The following NAALADL2 variants were observed in gnomAD, a reference collection of about 807,000 sequenced individuals.
The protein encoded by NAALADL2 is N-acetylated alpha-linked acidic dipeptidase like 2.
Under a neutral mutation model 87.2 loss-of-function variants are expected in NAALADL2, and 76 were observed. The ratio of observed to expected loss-of-function variants is 0.87; its 90% CI spans 0.72 to 1.05. The LOEUF (loss-of-function observed/expected upper bound fraction) is 1.05, where lower values mean the gene tolerates loss of function less well. Ranked by LOEUF, NAALADL2 falls within the 50% of genes least tolerant of loss-of-function variation. NAALADL2 has a pLI of 0.00. For synonymous variants in NAALADL2, 354 were observed against 331.0 expected, an observed-to-expected ratio of 1.07 and a Z score of -0.75; for missense variants, 1,089 against 945.8, an observed-to-expected ratio of 1.15 and a Z score of -1.99.
At chr3:175,160,474 T>C (rs1385239147) in intron 2 of NAALADL2, among the ~76,000 whole-genome samples, 1 of 138,136 alleles carries the variant, frequency 7.2e-6, no homozygotes, top group Non-Finnish European at 1.5e-5. Context: ...TGCCTCAGCC[T>C]CCTAAGTAAC....
At chr3:175,706,691 A>G (rs867546328) in intron 11 of NAALADL2, among the ~76,000 whole-genome samples, 37 of 152,158 alleles carry the variant, frequency 2.4e-4, no homozygotes, top group African/African-American at 7.5e-4. Flanking sequence ...CCTAAATTCT[A>G]GAACACATTG....
At chr3:175,606,478 G>A (rs1388461404) in intron 10 of NAALADL2, among the ~76,000 whole-genome samples, 1 of 150,338 alleles carries the variant, frequency 6.7e-6, no homozygotes, top group Non-Finnish European at 1.5e-5. Context: ...AATCTATTTT[G>A]TCACCTTAAG....
chr3:175,185,746 ATTATT>A (rs1737236000), intron 2 of NAALADL2, among the ~76,000 whole-genome samples: 1 of 149,806 alleles, frequency 6.7e-6, no homozygotes, highest in South Asian at 2.1e-4. Context: ...TTTTTATATA[ATTATT>A]TTATATAATT....
chr3:174,446,260 A>G (rs1307500714), intron 1 of NAALADL2, among the ~76,000 whole-genome samples: 1 of 152,182 alleles, frequency 6.6e-6, no homozygotes, highest in East Asian at 1.9e-4. Flanking sequence ...ATGGTCAGTC[A>G]TGAAAAACTT....
At position 174,674,130 on chromosome 3, in the gene NAALADL2, A is replaced by C. The variant is rs1432298623; in HGVS notation, c.-114-63511A>C. Among the ~76,000 whole-genome samples the C allele has an allele frequency of 2.0e-5, 3 of 152,072 alleles. No homozygotes were observed. The East Asian group carries it at 5.8e-4, about 29-fold the overall frequency. On this transcript the variant is annotated intron_variant, in intron 2 of 3. Transcript: ENST00000434257. ...CTTTAACTCATAGTGGAAGGAGAAG[A>C]GGGAACAGACATGTCATATGGTAAA...
At chr3:174,562,229 A>C (rs1253768588) in intron 2 of NAALADL2, among the ~76,000 whole-genome samples, 3 of 152,184 alleles carry the variant, frequency 2.0e-5, no homozygotes, top group African/African-American at 7.2e-5. Flanking sequence ...GGAAGAAGGC[A>C]TTTTAAAGCA....
chr3:174,567,251 G>A (rs1352169647), intron 2 of NAALADL2, among the ~76,000 whole-genome samples: 4 of 151,220 alleles, frequency 2.6e-5, no homozygotes, highest in Non-Finnish European at 5.9e-5. Context: ...AATATAATGT[G>A]TACATATATA....
At chr3:175,520,205 G>A (rs1384798907) in intron 9 of NAALADL2, among the ~76,000 whole-genome samples, 2 of 151,740 alleles carry the variant, frequency 1.3e-5, no homozygotes, top group Non-Finnish European at 2.9e-5. Context: ...TAAAGGAATA[G>A]GGATGGAAGT....
chr3:174,944,497 C>G (rs1012700486), intron 1 of NAALADL2, among the ~76,000 whole-genome samples: 1 of 152,130 alleles, frequency 6.6e-6, no homozygotes, highest in Non-Finnish European at 1.5e-5. Flanking sequence ...GAATTCCAAG[C>G]CAGTCTTATC....
At chr3:175,784,961 A>T (rs2150230707) in intron 13 of NAALADL2, among the ~76,000 whole-genome samples, 1 of 146,216 alleles carries the variant, frequency 6.8e-6, no homozygotes, top group Middle Eastern at 3.4e-3. Context: ...TGCGTTATGT[A>T]CCCAGTAGTC....
At chr3:175,331,698 A>G (rs974485563) in intron 5 of NAALADL2, among the ~76,000 whole-genome samples, 2 of 152,220 alleles carry the variant, frequency 1.3e-5, no homozygotes, top group Non-Finnish European at 2.9e-5. Flanking sequence ...GGAAAAAGAC[A>G]TGGATGTCCA....
chr3:174,533,753 A>G (rs1721459648), intron 1 of NAALADL2, among the ~76,000 whole-genome samples: 1 of 152,140 alleles, frequency 6.6e-6, no homozygotes, highest in Non-Finnish European at 1.5e-5. Flanking sequence ...CCAACTGTGT[A>G]GTTGACAATA....
intron 3 of NAALADL2, among the ~76,000 whole-genome samples, chr3:174,829,361 C>T (rs1403944147): frequency 6.8e-4 from 102 of 149,870 alleles, no homozygotes; most frequent in African/African-American, 2.3e-3. Flanking sequence ...TGAGAATATG[C>T]GGTGTTTGTT....
chr3:175,243,949 A>G (rs1405574909), intron 3 of NAALADL2, among the ~76,000 whole-genome samples: 1 of 152,116 alleles, frequency 6.6e-6, no homozygotes, highest in African/African-American at 2.4e-5. Flanking sequence ...CTCCTGGAAT[A>G]TTTTGCAAAA....
At chr3:175,787,090 C>G (rs1286330887) in intron 13 of NAALADL2, among the ~76,000 whole-genome samples, 1 of 152,124 alleles carries the variant, frequency 6.6e-6, no homozygotes, top group Non-Finnish European at 1.5e-5. Flanking sequence ...CAGCTGTGTG[C>G]TGGGAGAACC....
chr3:175,745,355 T>A (rs1489090531), intron 12 of NAALADL2, among the ~76,000 whole-genome samples: 1 of 152,234 alleles, frequency 6.6e-6, no homozygotes, highest in Non-Finnish European at 1.5e-5. Context: ...ATACTTCAGA[T>A]GTATTAATAC....
intron 2 of NAALADL2, among the ~76,000 whole-genome samples, chr3:174,613,252 G>A (rs932838681): frequency 2.0e-5 from 3 of 146,646 alleles, no homozygotes; most frequent in Non-Finnish European, 4.5e-5. Context: ...AGCCAGCATG[G>A]TACTGGGTCT....
In NAALADL2 at chr3:175,810,534, A is replaced by T. The variant is rs1032448078; in HGVS notation, c.*7331A>T. 2 of 152,104 alleles carry T rather than the reference A, an allele frequency of 1.3e-5. No individual in the cohort carries two copies. Among genetic ancestry groups the T allele is most frequent in the Non-Finnish European group, 2.9e-5 (2 of 67,984 alleles). 9.4% of individuals were successfully genotyped at this position (152,104 alleles called of 1,614,324 possible). A position where few individuals can be genotyped will look rare whatever the true frequency, so the allele number is the denominator to read the frequency against. ...AAAACACCCATTTTGAAATTATTAA[A>T]TACAGGTAAAAACATTGCTATACTG... On this transcript the variant is annotated 3_prime_UTR_variant, in exon 14 of 14. Transcript: ENST00000454872.
At chr3:175,460,891 C>T (rs1581980265) in intron 6 of NAALADL2, among the ~76,000 whole-genome samples, 1 of 152,300 alleles carries the variant, frequency 6.6e-6, no homozygotes, top group African/African-American at 2.4e-5. Context: ...ATAAAGCTTC[C>T]ACAGTGTGGA....
Sources: allele counts gnomAD v4.1 joint callset (sites outside exome capture counted in the v4.1 genomes callset), GRCh38; gene constraint gnomAD v4.1.1; transcripts MANE v1.5; gene names NCBI Gene and HGNC (gene_info 2026-07-23, HGNC 2026-07-21).